The following NOC3L variants were observed in gnomAD, a reference collection of about 807,000 sequenced individuals.
The protein encoded by NOC3L is NOC3 like DNA replication regulator.
NOC3L carries 85 observed loss-of-function variants against 102.5 expected under a neutral mutation model. That is an observed-to-expected ratio of 0.83 (90% CI 0.70 to 0.99). NOC3L has a LOEUF of 0.99. NOC3L is among the 50% of genes least tolerant of loss of function. The pLI is 0.00. For missense variants in NOC3L, 878 were observed against 914.9 expected (o/e 0.96, Z 0.52); for synonymous variants, 303 against 309.4 (o/e 0.98, Z 0.22).
chr10:94,324,594 T>C, the NOC3L span: 1 of 1,560,974 alleles, frequency 6.4e-7, no homozygotes, highest in Admixed American at 1.7e-5. Context: ...TTTTGCTCTG[T>C]TCTTAAGTTA....
At chr10:94,316,495 T>C in the NOC3L span, 1 of 1,148,472 alleles carries the variant, frequency 8.7e-7, no homozygotes, top group Admixed American at 1.7e-5. Context: ...TGAAAGTTGA[T>C]TTGTTTTAAG....
At chr10:94,325,061 C>A in the NOC3L span, 6 of 1,614,114 alleles carry the variant, frequency 3.7e-6, no homozygotes, top group East Asian at 2.2e-5. Flanking sequence ...TCCAGTGACA[C>A]AATGGATTAC....
chr10:94,316,976 C>G, the NOC3L span, among the ~76,000 whole-genome samples: 3 of 152,204 alleles, frequency 2.0e-5, no homozygotes, highest in African/African-American at 7.2e-5. Flanking sequence ...TTAGACCGGG[C>G]GTGGTGGCTC....
intron 2 of NOC3L, among the ~76,000 whole-genome samples, chr10:94,361,006 G>A (rs913305617): frequency 2.6e-5 from 4 of 151,958 alleles, no homozygotes; most frequent in Non-Finnish European, 5.9e-5. Context: ...ACAAGACCCT[G>A]TCTATTTAAA....
the NOC3L span, chr10:94,324,974 G>T: frequency 2.5e-6 from 4 of 1,613,984 alleles, no homozygotes; most frequent in Non-Finnish European, 3.4e-6. Flanking sequence ...CAGCCCCGAG[G>T]ACTTACATCA....
At chr10:94,324,407 A>G in the NOC3L span, 4 of 1,614,192 alleles carry the variant, frequency 2.5e-6, 1 homozygote, top group South Asian at 3.3e-5. Context: ...CCAAGCGACT[A>G]TGTGCTTTTG....
At chr10:94,316,480 C>T in the NOC3L span, 7 of 975,044 alleles carry the variant, frequency 7.2e-6, no homozygotes, top group Admixed American at 6.9e-5. Flanking sequence ...CCTATCTGAA[C>T]ACCATGAAAG....
chr10:94,353,047 A>T lies in NOC3L; in HGVS notation c.707T>A (p.Leu236Ter), dbSNP rs2054440283. 6.2e-7 allele frequency: 1 copy of T among 1,603,000 alleles called. No individual in the cohort carries two copies. Among genetic ancestry groups the T allele is most frequent in the Admixed American group, 1.8e-5 (1 of 56,936 alleles). ...CATCAACATAGAACGTAATTCTTTC[A>T]ATTTTTTAATCTGTTAAAGAAATAG... ...LSDPENNIKK[L>*]KELRSMLMEQ... is the part of the protein sequence containing the mutation. The change falls in exon 7 of 21, where the codon TTG becomes TAG. Residue 236 changes from leucine to a stop codon, truncating the protein, a stop_gained. Transcript: ENST00000371361. LOFTEE classifies it high-confidence loss of function.
At chr10:94,331,501 AAAG>A (rs1483956804), downstream of NOC3L, 13 of 152,320 alleles carry the variant, frequency 8.5e-5, no homozygotes, top group Admixed American at 5.9e-4. Flanking sequence ...CCATGCTAGT[AAAG>A]AAGAGTAGGA....
rs1163313336 is a variant in NOC3L at position 94,334,079 on chromosome 10, TC to T, written c.*97del. 10 of 643,180 alleles carry T rather than the reference TC, an allele frequency of 1.6e-5. No homozygotes were observed. The Middle Eastern group carries it at 1.2e-3, about 79-fold the overall frequency. 39.8% of individuals were successfully genotyped at this position (643,180 alleles called of 1,614,324 possible). On this transcript the variant is annotated 3_prime_UTR_variant, in exon 21 of 21. Coordinates refer to ENST00000371361, the MANE Select transcript of NOC3L (RefSeq NM_022451.11). ...CTTCCTAGACATTCTTAGGAAGCTT[TC>T]CTTGTATAAAAAGAAAAGATCCTAA... is the stretch of plus-strand genomic sequence containing the variant.
At chr10:94,323,003 C>T in the NOC3L span, among the ~76,000 whole-genome samples, 1 of 152,156 alleles carries the variant, frequency 6.6e-6, no homozygotes, top group African/African-American at 2.4e-5. Context: ...AATATTAATT[C>T]ATTCCTTCAA....
the NOC3L span, chr10:94,324,456 C>A: frequency 6.2e-7 from 1 of 1,614,016 alleles, no homozygotes; most frequent in Non-Finnish European, 8.5e-7. Context: ...AGAAGACTAC[C>A]ACACCAAAGT....
chr10:94,334,303 AC>A lies in NOC3L; in HGVS notation c.2276del (p.Gly759ValfsTer10). The A allele has an allele frequency of 4.4e-6, 7 of 1,576,304 alleles. No homozygotes were observed. Among genetic ancestry groups the A allele is most frequent in the Non-Finnish European group, 5.2e-6 (6 of 1,149,452 alleles). On this transcript the variant is annotated frameshift_variant and splice_region_variant, in exon 21 of 21. Coordinates refer to ENST00000371361, the MANE Select transcript of NOC3L (RefSeq NM_022451.11). LOFTEE classifies it high-confidence loss of function. The stretch of plus-strand genomic sequence containing the variant: ...AAAATGAATCCCCTTGTAAAAATTT[AC>A]CCTAGGAAAATATTTAAAGTATGAG... ...PVESSNPKIK[G>X]KFLQGDSFLN...
At chr10:94,341,050 T>C (rs1283487595) in intron 14 of NOC3L, among the ~76,000 whole-genome samples, 2 of 151,168 alleles carry the variant, frequency 1.3e-5, no homozygotes, top group Non-Finnish European at 2.9e-5. Flanking sequence ...CCCACATCTG[T>C]AGTCCCAGCT....
chr10:94,346,613 A>C, intron 10 of NOC3L, 57 bp from the exon 11 acceptor site: 1 of 1,030,326 alleles, frequency 9.7e-7, no homozygotes, highest in South Asian at 2.2e-5. Flanking sequence ...GCCCTCAAAA[A>C]CTTTACATAG....
intron 6 of NOC3L, 40 bp from the exon 7 acceptor site, chr10:94,353,097 C>G: frequency 6.6e-7 from 1 of 1,526,306 alleles, no homozygotes; most frequent in Non-Finnish European, 8.9e-7. Flanking sequence ...GAAATCATGA[C>G]GAAACAATTA....
the NOC3L span, chr10:94,328,059 T>C: frequency 8.1e-6 from 4 of 494,292 alleles, no homozygotes; most frequent in Admixed American, 6.6e-5. Flanking sequence ...TGATGATTTC[T>C]GAACTGAAGC....
At chr10:94,344,363 G>A in intron 13 of NOC3L, 52 bp downstream of exon 13, 1 of 1,226,022 alleles carries the variant, frequency 8.2e-7, no homozygotes, top group Non-Finnish European at 1.2e-6. Flanking sequence ...AAATTCTTTG[G>A]TCTTTCCTAT....
intron 8 of NOC3L, among the ~76,000 whole-genome samples, chr10:94,351,897 A>T (rs773655597): frequency 6.6e-6 from 1 of 152,204 alleles, no homozygotes; most frequent in Non-Finnish European, 1.5e-5. Context: ...CCAACTGTTC[A>T]TAACAATGTA....
Sources: allele counts gnomAD v4.1 joint callset (sites outside exome capture counted in the v4.1 genomes callset), GRCh38; gene constraint gnomAD v4.1.1; transcripts MANE v1.5; gene names NCBI Gene and HGNC (gene_info 2026-07-23, HGNC 2026-07-21).